SNX29: variants seen among roughly 807,000 people sequenced by gnomAD.
SNX29 encodes sorting nexin 29.
A neutral mutation model predicts 102.1 loss-of-function variants in SNX29; 78 were observed. That is an observed-to-expected ratio of 0.76 (90% CI 0.64 to 0.92). The LOEUF (loss-of-function observed/expected upper bound fraction) is 0.92, where lower values mean the gene tolerates loss of function less well. SNX29 is among the 40% of genes least tolerant of loss of function. SNX29 has a pLI of 0.00. For missense variants in SNX29, 1,280 were observed against 1,061.7 expected, an observed-to-expected ratio of 1.21 and a Z score of -2.86; for synonymous variants, 580 against 414.5, an observed-to-expected ratio of 1.40 and a Z score of -4.85.
At chr16:12,014,036 A>T (rs1262350984) in intron 3 of SNX29, among the ~76,000 whole-genome samples, 1 of 151,936 alleles carries the variant, frequency 6.6e-6, no homozygotes, top group Non-Finnish European at 1.5e-5. Context: ...GCCTCAAGTG[A>T]TCCTCCCTCC....
In SNX29 at chr16:12,544,286, C is replaced by T. The variant is rs149206731; in HGVS notation, c.2318+19445C>T. Reference sequence around the variant, plus strand: ...AACTCAGGACTTTACACTCTCAGTACGGCATCCAGGCCACAGGGGAAGGTG... The same window carrying T: ...AACTCAGGACTTTACACTCTCAGTATGGCATCCAGGCCACAGGGGAAGGTG... On this transcript the variant is annotated intron_variant, in intron 20 of 20. Coordinates refer to ENST00000566228, the MANE Select transcript of SNX29 (RefSeq NM_032167.5). 4.2e-3 allele frequency among the ~76,000 whole-genome samples: 636 copies of T among 152,284 alleles called. 5 individuals carry two copies. Among genetic ancestry groups the T allele is most frequent in the African/African-American group, 0.014 (580 of 41,540 alleles).
chr16:12,162,999 A>G (rs2076964889), intron 13 of SNX29, among the ~76,000 whole-genome samples: 2 of 152,060 alleles, frequency 1.3e-5, no homozygotes, highest in African/African-American at 2.4e-5. Flanking sequence ...CTCTCACCTC[A>G]GCCTCCCAAG....
intron 13 of SNX29, among the ~76,000 whole-genome samples, chr16:12,133,818 C>G (rs536939909): frequency 6.6e-6 from 1 of 152,302 alleles, no homozygotes; most frequent in African/African-American, 2.4e-5. Context: ...TAGTCTATCT[C>G]CTACTCAGAA....
At chr16:12,041,097 G>A (rs1279397952) in intron 4 of SNX29, among the ~76,000 whole-genome samples, 14 of 152,046 alleles carry the variant, frequency 9.2e-5, no homozygotes. Flanking sequence ...GTGAGCTACC[G>A]CGCCATCCTG....
At chr16:12,410,134 A>G (rs974289352) in intron 18 of SNX29, among the ~76,000 whole-genome samples, 1 of 151,558 alleles carries the variant, frequency 6.6e-6, no homozygotes, top group East Asian at 2.0e-4. Context: ...AGCTGGGAGT[A>G]CAGGCACCCA....
intron 15 of SNX29, among the ~76,000 whole-genome samples, chr16:12,317,154 G>C (rs778585291): frequency 6.6e-6 from 1 of 152,234 alleles, no homozygotes; most frequent in Non-Finnish European, 1.5e-5. Flanking sequence ...CCTTGGAGAA[G>C]GGAGTGGCGG....
chr16:12,056,211 T>G (rs2050515004), intron 8 of SNX29, among the ~76,000 whole-genome samples: 1 of 152,228 alleles, frequency 6.6e-6, no homozygotes, highest in African/African-American at 2.4e-5. Context: ...TCTGGGCCTT[T>G]GAGGAGATGC....
In SNX29 at chr16:12,569,553, G is replaced by C. The variant is rs966048170; in HGVS notation, c.*924G>C. 2.2e-5 allele frequency: 5 copies of C among 231,264 alleles called. No individual in the cohort carries two copies. Among genetic ancestry groups the C allele is most frequent in the African/African-American group, 1.1e-4 (5 of 45,220 alleles). 14.3% of individuals were successfully genotyped at this position (231,264 alleles called of 1,614,324 possible). A position where few individuals can be genotyped will look rare whatever the true frequency, so the allele number is the denominator to read the frequency against. ...TTGGACCCAGTGTGGACACTTAACA[G>C]ATCATGTGTCTCTCCACTAAAAACA... On this transcript the variant is annotated 3_prime_UTR_variant, in exon 21 of 21. Transcript: ENST00000566228.
intron 16 of SNX29, among the ~76,000 whole-genome samples, chr16:12,386,657 G>A (rs1266169930): frequency 2.0e-5 from 3 of 152,194 alleles, no homozygotes; most frequent in Non-Finnish European, 4.4e-5. Context: ...ATAAACCTGC[G>A]ACTGCAGGGA....
At chr16:12,181,711 G>GGTCTGTTGGTGATTGA (rs2076389285) in intron 13 of SNX29, among the ~76,000 whole-genome samples, 1 of 5,640 alleles carries the variant, frequency 1.8e-4, no homozygotes, top group African/African-American at 1.8e-4. Flanking sequence ...TGGTGATTGA[G>GGTCTGTTGGTGATTGA]GGGGGGTCCT....
intron 20 of SNX29, among the ~76,000 whole-genome samples, chr16:12,564,962 G>A (rs1483321829): frequency 2.0e-5 from 3 of 149,568 alleles, no homozygotes; most frequent in South Asian, 2.2e-4. Context: ...GGCTGTCATT[G>A]TAAATGTGAG....
chr16:12,227,148 A>AG (rs1309652830), intron 14 of SNX29, among the ~76,000 whole-genome samples: 1 of 1,046 alleles, frequency 9.6e-4, no homozygotes, highest in African/African-American at 1.4e-3. Flanking sequence ...GGTCTGGCGG[A>AG]TTGGGTGCTG....
rs1016044676 is a variant in SNX29 at position 12,330,340 on chromosome 16, G to A, written c.1783-25823G>A. On this transcript the variant is annotated intron_variant, in intron 15 of 20. Transcript: ENST00000566228. ...AAATTAGCCAAGCATGGTGGCGGAC[G>A]CCTCTAATCCCAGCTACTCGGGAGG... Among the ~76,000 whole-genome samples the A allele has an allele frequency of 3.9e-5, 6 of 152,040 alleles. No homozygotes were observed. The East Asian group carries it at 5.8e-4, about 15-fold the overall frequency.
At chr16:12,501,993 A>T (rs1372761950) in intron 19 of SNX29, among the ~76,000 whole-genome samples, 1 of 152,010 alleles carries the variant, frequency 6.6e-6, no homozygotes, top group African/African-American at 2.4e-5. Flanking sequence ...AGGGTCAGGG[A>T]CCTTCTCTCT....
chr16:12,407,610 TG>T (rs1234701104), intron 18 of SNX29, among the ~76,000 whole-genome samples: 2 of 152,212 alleles, frequency 1.3e-5, no homozygotes, highest in African/African-American at 4.8e-5. Flanking sequence ...CACCTCTCAC[TG>T]GTTTGTGTGT....
intron 14 of SNX29, among the ~76,000 whole-genome samples, chr16:12,262,374 C>T (rs537953022): frequency 2.0e-5 from 3 of 152,150 alleles, no homozygotes; most frequent in Admixed American, 6.6e-5. Context: ...TAAACTGCAT[C>T]CCCTTTGACT....
At chr16:11,981,046 C>A (rs1164468510) in intron 1 of SNX29, among the ~76,000 whole-genome samples, 2 of 151,790 alleles carry the variant, frequency 1.3e-5, no homozygotes, top group Non-Finnish European at 2.9e-5. Flanking sequence ...CGTCTCACTG[C>A]AACCTCTGCC....
intron 13 of SNX29, among the ~76,000 whole-genome samples, chr16:12,194,870 A>G (rs1293312947): frequency 6.6e-6 from 1 of 151,566 alleles, no homozygotes; most frequent in East Asian, 1.9e-4. Flanking sequence ...CAGATGATCC[A>G]CTCACCTCGG....
At chr16:12,242,660 C>CTT (rs1182673798) in intron 14 of SNX29, among the ~76,000 whole-genome samples, 3 of 143,382 alleles carry the variant, frequency 2.1e-5, no homozygotes, top group African/African-American at 7.8e-5. Context: ...CTTCTCTTCT[C>CTT]TTTTTTTTTT....
Sources: allele counts gnomAD v4.1 joint callset (sites outside exome capture counted in the v4.1 genomes callset), GRCh38; gene constraint gnomAD v4.1.1; transcripts MANE v1.5; gene names NCBI Gene and HGNC (gene_info 2026-07-23, HGNC 2026-07-21).